The following GPSM1 variants were observed in gnomAD, a reference collection of about 807,000 sequenced individuals.
GPSM1 encodes G protein signaling modulator 1.
Under a neutral mutation model 70.5 loss-of-function variants are expected in GPSM1, and 48 were observed. The observed-to-expected ratio is 0.68, with a 90% CI of 0.54 to 0.87. The LOEUF (loss-of-function observed/expected upper bound fraction) is 0.87, where lower values mean the gene tolerates loss of function less well. Ranked by LOEUF, GPSM1 falls within the 40% of genes least tolerant of loss-of-function variation. The pLI is 0.00. For missense variants in GPSM1, 981 were observed against 972.6 expected, an observed-to-expected ratio of 1.01 and a Z score of -0.11; for synonymous variants, 416 against 430.1, an observed-to-expected ratio of 0.97 and a Z score of 0.41.
intron 1 of GPSM1, among the ~76,000 whole-genome samples, chr9:136,328,497 C>T (rs76025512): frequency 0.023 from 3,545 of 152,318 alleles, 150 homozygotes; most frequent in African/African-American, 0.079. Flanking sequence ...CAGAGGCAGG[C>T]CTGGCTCCCC....
intron 9 of GPSM1, among the ~76,000 whole-genome samples, chr9:136,345,315 C>T (rs1832496363): frequency 6.6e-6 from 1 of 152,206 alleles, no homozygotes; most frequent in African/African-American, 2.4e-5. Flanking sequence ...AAACGTTGCC[C>T]TCGCAGGCGG....
At position 136,358,393 on chromosome 9, in the gene GPSM1, G is replaced by A. The variant is rs1167756275; in HGVS notation, c.*173G>A. ...GCCAAGCTGCCCGTGGTGGGAGGGC[G>A]TGCTTCCATCCCGGGCTGGCCCCCA... On this transcript the variant is annotated 3_prime_UTR_variant, in exon 14 of 14. Coordinates refer to ENST00000440944, the MANE Select transcript of GPSM1 (RefSeq NM_001145638.3). The A allele has an allele frequency of 7.8e-6, 5 of 642,946 alleles. No individual in the cohort carries two copies. The highest frequency in any genetic ancestry group is 6.0e-5 in the East Asian group (2 of 33,408). The allele number at this position is 642,946 out of a possible 1,614,324, so 39.8% of individuals were successfully genotyped here.
chr9:136,358,321 T>C lies in GPSM1; in HGVS notation c.*101T>C. ...CGAGGCCATTGCCGAGGACAGGCAC[T>C]GGGCATGCAGCCCCACGGCCTCCCC... On this transcript the variant is annotated 3_prime_UTR_variant, in exon 14 of 14. Transcript: ENST00000440944. 1.8e-6 allele frequency: 2 copies of C among 1,104,132 alleles called. No homozygotes were observed. The highest frequency in any genetic ancestry group is 2.6e-5 in the East Asian group (1 of 38,240). 68.4% of individuals were successfully genotyped at this position (1,104,132 alleles called of 1,614,324 possible).
At position 136,358,167 on chromosome 9, in the gene GPSM1, G is replaced by A. The variant is rs1554773601; in HGVS notation, c.1975G>A (p.Gly659Arg). Reference protein sequence around the residue: ...RVDLAGGPEQGAGGPPEPQQQ... With the variant: ...RVDLAGGPEQRAGGPPEPQQQ... Reference sequence around the variant, plus strand: ...GGACCTCGCCGGGGGCCCGGAGCAGGGGGCAGGCGGCCCGCCCGAGCCCCA... The same window carrying A: ...GGACCTCGCCGGGGGCCCGGAGCAGAGGGCAGGCGGCCCGCCCGAGCCCCA... Residue 659 changes from glycine to arginine, a missense_variant, in exon 14 of 14, where the codon GGG becomes AGG. By Grantham distance (125) the Gly-to-Arg change is moderately radical (BLOSUM62 -2). Transcript: ENST00000440944. 3 of 1,586,750 alleles carry A rather than the reference G, an allele frequency of 1.9e-6. No homozygotes were observed. The highest frequency in any genetic ancestry group is 2.7e-5 in the African/African-American group (2 of 74,454).
Position 136,358,686 on chromosome 9 carries a change from C to A in GPSM1, c.*466C>A, listed in dbSNP as rs1485385757. Reference sequence around the variant, plus strand: ...TGGCCGTGTGACAGGCATGCTCCACCCCTCCAGCTTCGTCCTGGGGCAGGG... The same window carrying A: ...TGGCCGTGTGACAGGCATGCTCCACACCTCCAGCTTCGTCCTGGGGCAGGG... On this transcript the variant is annotated 3_prime_UTR_variant, in exon 14 of 14. Transcript: ENST00000440944. The A allele has an allele frequency of 3.3e-5, 7 of 213,308 alleles. No individual in the cohort carries two copies. Among genetic ancestry groups the A allele is most frequent in the East Asian group, 1.7e-4 (1 of 5,816 alleles). 13.2% of individuals were successfully genotyped at this position (213,308 alleles called of 1,614,324 possible).
chr9:136,332,185 G>A (rs538689294), intron 1 of GPSM1: 9 of 399,198 alleles, frequency 2.3e-5, no homozygotes, highest in South Asian at 1.3e-4. Context: ...GGCGGGCAGC[G>A]AGTGGGGTGG....
chr9:136,346,790 GGCTGAGTGACAGCT>G (rs1832533975), intron 9 of GPSM1, among the ~76,000 whole-genome samples: 1 of 152,188 alleles, frequency 6.6e-6, no homozygotes, highest in African/African-American at 2.4e-5. Context: ...GGGGGATGTT[GGCTGAGTGACAGCT>G]GTGCAGGTGA....
At chr9:136,355,562 G>A in intron 11 of GPSM1, 128 bp from the exon 12 acceptor site, 1 of 792,036 alleles carries the variant, frequency 1.3e-6, no homozygotes, top group South Asian at 1.8e-5. Flanking sequence ...TAGCCGACAG[G>A]GGGCAGGTTA....
chr9:136,337,627 CCT>C (rs1487913319), intron 5 of GPSM1, 63 bp downstream of exon 5: 1 of 1,476,060 alleles, frequency 6.8e-7, no homozygotes, highest in Non-Finnish European at 9.3e-7. Flanking sequence ...GCTGAGCCAC[CCT>C]CTTGGCGGTC....
chr9:136,351,215 A>G (rs1048002951), intron 11 of GPSM1, among the ~76,000 whole-genome samples: 4 of 152,104 alleles, frequency 2.6e-5, no homozygotes, highest in Admixed American at 6.5e-5. Flanking sequence ...ATTCAGCCCC[A>G]GCACTGCCCA....
At chr9:136,348,898 C>A in intron 10 of GPSM1, 131 bp downstream of exon 10, 1 of 681,550 alleles carries the variant, frequency 1.5e-6, no homozygotes, top group Non-Finnish European at 2.5e-6. Flanking sequence ...CCTCCTCGGC[C>A]TGATGCCCTG....
At position 136,338,628 on chromosome 9, in the gene GPSM1, A is replaced by T; in HGVS notation, c.892A>T (p.Thr298Ser). The T allele has an allele frequency of 3.1e-6, 5 of 1,608,518 alleles. No individual in the cohort carries two copies. The highest frequency in any genetic ancestry group is 3.4e-6 in the Non-Finnish European group (4 of 1,178,546). Residue 298 changes from threonine (T) to serine (S), a missense_variant, in exon 7 of 14, where the codon ACC (threonine) becomes TCC (serine). Physicochemically the swap from Thr to Ser is moderately conservative, Grantham distance 58. Coordinates refer to ENST00000440944, the MANE Select transcript of GPSM1 (RefSeq NM_001145638.3). ...EAQACYSLGN[T>S]YTLLQDYERA... ...GCAGGCCTGCTACAGTCTGGGCAAC[A>T]CCTACACGCTGCTGCAGGACTACGA...
rs569933588 is a variant in GPSM1, at chr9:136,358,047, C to A, written c.1855C>A (p.Pro619Thr). Residue 619 changes from proline (P) to threonine (T), a missense_variant, in exon 14 of 14, where the codon CCT becomes ACT. By Grantham distance (38) the Pro-to-Thr change is conservative (BLOSUM62 -1). Transcript: ENST00000440944. ...GATCGATGACCAGCGCTGCCCGCCA[C>A]CTGACGTACTGCCCCGGGGCCCTAC... ...SRIDDQRCPP[P>T]DVLPRGPTMP... 80 of 1,612,778 alleles carry A rather than the reference C, an allele frequency of 5.0e-5. No individual in the cohort carries two copies. In the East Asian group the frequency reaches 1.7e-3, roughly 35 times the overall value.
At chr9:136,357,930 G>T in intron 13 of GPSM1, 84 bp from the exon 14 acceptor site, 1 of 1,074,816 alleles carries the variant, frequency 9.3e-7, no homozygotes. Context: ...AGTGCACGCT[G>T]GCCTCTGGAA....
intron 1 of GPSM1, among the ~76,000 whole-genome samples, chr9:136,331,421 G>T (rs1554768466): frequency 1.3e-5 from 2 of 152,012 alleles, no homozygotes; most frequent in Non-Finnish European, 2.9e-5. Flanking sequence ...GGAGGCTGGG[G>T]AGGGGGCCAG....
chr9:136,340,913 C>T lies in GPSM1; in HGVS notation c.1127C>T (p.Ala376Val), dbSNP rs76978793. ...HGELTARMNV[A>V]QLQLVLGRLT... The stretch of plus-strand genomic sequence containing the variant: ...GAGCTCACGGCCCGCATGAACGTGG[C>T]GCAGCTGCAGCTGGTGCTCGGCCGC... Residue 376 changes from alanine (A) to valine (V), a missense_variant, in exon 9 of 14, where the codon GCG becomes GTG. Ala to Val is a moderately conservative substitution (Grantham distance 64). Transcript: ENST00000440944. The surrounding 1 kb of genome is among the most constrained non-coding windows in gnomAD (Gnocchi z 7.3). 2.6e-3 allele frequency: 4,046 copies of T among 1,574,940 alleles called. 5 individuals are homozygous for T. The highest frequency in any genetic ancestry group is 3.1e-3 in the Non-Finnish European group (3,619 of 1,161,754).
At chr9:136,352,221 A>AC (rs1832688209) in intron 11 of GPSM1, among the ~76,000 whole-genome samples, 4 of 59,376 alleles carry the variant, frequency 6.7e-5, no homozygotes, top group African/African-American at 2.9e-4. Context: ...GCTGTTGGTG[A>AC]CACCGATGCT....
Position 136,342,496 on chromosome 9 carries a change from G to A in GPSM1, c.1207+1503G>A, listed in dbSNP as rs528749661. On this transcript the variant is annotated intron_variant, in intron 9 of 13. Coordinates refer to ENST00000440944, the MANE Select transcript of GPSM1 (RefSeq NM_001145638.3). The surrounding 1 kb of genome is among the most constrained non-coding windows in gnomAD (Gnocchi z 5.5). Reference sequence around the variant, plus strand: ...GCCGGCCGGACGCCTCCTCCCCCAGGGCTGGGGAAGGGTCCTCCTCCCCGC... The same window carrying A: ...GCCGGCCGGACGCCTCCTCCCCCAGAGCTGGGGAAGGGTCCTCCTCCCCGC... Among the ~76,000 whole-genome samples the A allele has an allele frequency of 6.6e-6, 1 of 151,766 alleles. No homozygotes were observed. The highest frequency in any genetic ancestry group is 6.5e-5 in the Admixed American group (1 of 15,292).
chr9:136,356,299 A>C (rs782007644), intron 12 of GPSM1, 43 bp from the exon 13 acceptor site: 27 of 1,421,734 alleles, frequency 1.9e-5, no homozygotes, highest in Middle Eastern at 1.9e-4. Flanking sequence ...CTCGGGCTTG[A>C]CCCCGCACTG....
Sources: allele counts gnomAD v4.1 joint callset (sites outside exome capture counted in the v4.1 genomes callset), GRCh38; gene constraint gnomAD v4.1.1; non-coding constraint Gnocchi (gnomAD v3.1); transcripts MANE v1.5; gene names NCBI Gene and HGNC (gene_info 2026-07-23, HGNC 2026-07-21).